The following LSAMP variants were observed in gnomAD, a reference collection of about 807,000 sequenced individuals.
LSAMP encodes the protein limbic system-associated membrane protein.
LSAMP carries 7 observed loss-of-function variants against 38.6 expected under a neutral mutation model. The observed-to-expected ratio is 0.18, with a 90% confidence interval of 0.10 to 0.34. The LOEUF (loss-of-function observed/expected upper bound fraction) is 0.34, where lower values mean the gene tolerates loss of function less well. Among genes scored for constraint, LSAMP ranks in the 10% least tolerant of loss-of-function variants. The probability of loss-of-function intolerance (pLI) is 1.00; values close to 1 mark genes in which losing one functional copy is unlikely to be tolerated. For synonymous variants in LSAMP, 154 were observed against 166.8 expected (o/e 0.92, Z 0.59); for missense variants, 313 against 420.0 (o/e 0.75, Z 2.23).
intron 2 of LSAMP, among the ~76,000 whole-genome samples, chr3:116,054,462 A>G (rs754168805): frequency 2.6e-5 from 4 of 152,162 alleles, no homozygotes; most frequent in Admixed American, 6.6e-5. Flanking sequence ...AGAATAAAGC[A>G]GGGGTGAAAT....
chr3:116,203,654 GT>G (rs1463626639), intron 1 of LSAMP, among the ~76,000 whole-genome samples: 9 of 149,346 alleles, frequency 6.0e-5, no homozygotes, highest in East Asian at 6.0e-4. Context: ...GCGGTGTTTG[GT>G]TTTTTTGTTC....
chr3:116,305,410 T>A (rs1216378898), intron 1 of LSAMP, among the ~76,000 whole-genome samples: 1 of 152,072 alleles, frequency 6.6e-6, no homozygotes, highest in Non-Finnish European at 1.5e-5. Flanking sequence ...AAAACCCAGA[T>A]TCTGAGGCAA....
At chr3:115,848,415 C>A (rs1338016078) in intron 4 of LSAMP, among the ~76,000 whole-genome samples, 1 of 152,152 alleles carries the variant, frequency 6.6e-6, no homozygotes, top group African/African-American at 2.4e-5. Flanking sequence ...CAGGGTGAGA[C>A]CCTGTCTCAA....
chr3:116,103,464 C>CAAAA (rs59732794), intron 1 of LSAMP, among the ~76,000 whole-genome samples: 570 of 39,184 alleles, frequency 0.015, no homozygotes, highest in Non-Finnish European at 0.024. Context: ...GACTCCTTCT[C>CAAAA]AAAAAAAAAA....
At chr3:116,190,712 C>T (rs1710735849) in intron 1 of LSAMP, among the ~76,000 whole-genome samples, 1 of 152,102 alleles carries the variant, frequency 6.6e-6, no homozygotes. Flanking sequence ...TGTTAACAAG[C>T]CTTCTTAGCC....
chr3:115,882,519 A>G (rs1936347989), intron 3 of LSAMP, among the ~76,000 whole-genome samples: 1 of 152,052 alleles, frequency 6.6e-6, no homozygotes, highest in Non-Finnish European at 1.5e-5. Flanking sequence ...GATATACCTT[A>G]CTTTATTCAA....
chr3:116,078,277 C>CATTTATTTATTTATTTA (rs149090036), intron 2 of LSAMP, among the ~76,000 whole-genome samples: 60 of 150,174 alleles, frequency 4.0e-4, no homozygotes, highest in African/African-American at 1.4e-3. Flanking sequence ...TTTATATCCT[C>CATTTATTTATTTATTTA]TTTATTTATT....
intron 1 of LSAMP, among the ~76,000 whole-genome samples, chr3:116,194,861 C>A (rs1444106388): frequency 6.6e-6 from 1 of 152,200 alleles, no homozygotes; most frequent in African/African-American, 2.4e-5. Flanking sequence ...TTTGAAAAAA[C>A]AAAGTAGATT....
At chr3:116,353,059 G>T (rs2048163173) in intron 1 of LSAMP, among the ~76,000 whole-genome samples, 1 of 152,010 alleles carries the variant, frequency 6.6e-6, no homozygotes, top group Non-Finnish European at 1.5e-5. Flanking sequence ...ATTTGTTCTT[G>T]TGTTCAAAGA....
At chr3:116,055,158 C>G (rs1941467185) in intron 2 of LSAMP, among the ~76,000 whole-genome samples, 1 of 152,112 alleles carries the variant, frequency 6.6e-6, no homozygotes, top group South Asian at 2.1e-4. Flanking sequence ...AAAATTGGCT[C>G]TTGATATGCT....
chr3:115,843,305 T>C (rs1313630973), intron 4 of LSAMP, among the ~76,000 whole-genome samples: 2 of 152,250 alleles, frequency 1.3e-5, no homozygotes, highest in African/African-American at 4.8e-5. Context: ...CCTACAAAAC[T>C]ATCACAGGCT....
chr3:116,436,966 TAAAG>T (rs1014878115), intron 1 of LSAMP, among the ~76,000 whole-genome samples: 3 of 150,946 alleles, frequency 2.0e-5, no homozygotes, highest in Admixed American at 1.3e-4. Context: ...AACAAGTAGA[TAAAG>T]AAAGTGTGGC....
chr3:115,805,783 A>G lies in LSAMP; in HGVS notation c.*4534T>C, dbSNP rs1293337166. 1 of 152,352 alleles carries G rather than the reference A, an allele frequency of 6.6e-6. No individual in the cohort carries two copies. Among genetic ancestry groups the G allele is most frequent in the East Asian group, 1.9e-4 (1 of 5,186 alleles). 9.4% of individuals were successfully genotyped at this position (152,352 alleles called of 1,614,324 possible). On this transcript the variant is annotated 3_prime_UTR_variant, in exon 7 of 7. Coordinates refer to ENST00000490035, the MANE Select transcript of LSAMP (RefSeq NM_002338.5). Reference sequence around the variant, plus strand: ...TTACTTCTTTTCTGCTAGTATGCACATAAATGTAAACTCCATTTTGCATTT... The same window carrying G: ...TTACTTCTTTTCTGCTAGTATGCACGTAAATGTAAACTCCATTTTGCATTT...
chr3:116,307,786 A>AT (rs2047503053), intron 1 of LSAMP, among the ~76,000 whole-genome samples: 1 of 151,848 alleles, frequency 6.6e-6, no homozygotes, highest in South Asian at 2.1e-4. Context: ...AAAGAAAAAA[A>AT]TTTTCACATT....
At chr3:116,260,457 A>T (rs964992265) in intron 1 of LSAMP, among the ~76,000 whole-genome samples, 1 of 151,946 alleles carries the variant, frequency 6.6e-6, no homozygotes, top group Non-Finnish European at 1.5e-5. Context: ...CTAATATATT[A>T]TAAATGTAAA....
intron 6 of LSAMP, among the ~76,000 whole-genome samples, chr3:115,833,203 C>T (rs544729434): frequency 4.5e-4 from 69 of 152,170 alleles, no homozygotes; most frequent in African/African-American, 1.6e-3. Flanking sequence ...AACACTAGAA[C>T]ATAAATGTGT....
At chr3:116,129,828 T>C (rs1332707103) in intron 1 of LSAMP, among the ~76,000 whole-genome samples, 1 of 152,244 alleles carries the variant, frequency 6.6e-6, no homozygotes, top group Non-Finnish European at 1.5e-5. Flanking sequence ...CCTTCGGGGA[T>C]GTACCGTCTC....
intron 3 of LSAMP, among the ~76,000 whole-genome samples, chr3:115,907,980 G>C (rs1279743301): frequency 6.6e-6 from 1 of 151,978 alleles, no homozygotes; most frequent in Non-Finnish European, 1.5e-5. Flanking sequence ...TCTAAAGTAG[G>C]ATCTTTAATG....
chr3:116,444,765 G>T, intron 1 of LSAMP, 112 bp downstream of exon 1: 1 of 1,344,074 alleles, frequency 7.4e-7, no homozygotes, highest in Non-Finnish European at 1.0e-6. Flanking sequence ...GCAGCATCAG[G>T]AGCTGGAGTT....
Sources: gnomAD v4.1 joint callset for allele counts (sites outside exome capture counted in the v4.1 genomes callset) on GRCh38, gnomAD v4.1.1 for gene constraint, MANE v1.5 for transcripts, NCBI Gene and HGNC (gene_info 2026-07-23, HGNC 2026-07-21) for gene names.